Variants in AK4 observed in about 807,000 individuals in gnomAD.
AK4 encodes adenylate kinase 4, mitochondrial.
In AK4, 13 loss-of-function variants were observed where a neutral mutation model predicts 24.6. The ratio of observed to expected loss-of-function variants is 0.53; its 90% CI spans 0.34 to 0.84. The LOEUF (loss-of-function observed/expected upper bound fraction) is 0.84, where lower values mean the gene tolerates loss of function less well. Ranked by LOEUF, AK4 falls within the 40% of genes least tolerant of loss-of-function variation. The pLI, the probability that AK4 is intolerant of heterozygous loss-of-function variation, is 0.01. For missense variants in AK4, 192 were observed against 288.2 expected (o/e 0.67, Z 2.42); for synonymous variants, 88 against 107.0 (o/e 0.82, Z 1.10).
chr1:65,189,626 A>G (rs114343264), intron 1 of AK4, among the ~76,000 whole-genome samples: 52 of 151,184 alleles, frequency 3.4e-4, no homozygotes, highest in Non-Finnish European at 6.9e-4. Context: ...AGAGCAGAGG[A>G]TTTCATTTGT....
intron 1 of AK4, among the ~76,000 whole-genome samples, chr1:65,171,954 CG>C (rs1465343696): frequency 2.0e-5 from 3 of 150,344 alleles, no homozygotes; most frequent in Non-Finnish European, 3.0e-5. Context: ...CCCCGCTACT[CG>C]GGAGGCTGAG....
chr1:65,164,471 G>C (rs1650265996), intron 1 of AK4, among the ~76,000 whole-genome samples: 1 of 152,108 alleles, frequency 6.6e-6, no homozygotes, highest in South Asian at 2.1e-4. Flanking sequence ...TGAGTATAAA[G>C]TGGTGTTTCA....
intron 1 of AK4, among the ~76,000 whole-genome samples, chr1:65,176,194 C>T (rs1650708239): frequency 2.0e-5 from 3 of 152,138 alleles, no homozygotes; most frequent in Admixed American, 1.3e-4. Context: ...GATTGGATCA[C>T]CTTCTTTTTC....
intron 2 of AK4, among the ~76,000 whole-genome samples, chr1:65,212,037 G>A (rs1651986980): frequency 6.6e-6 from 1 of 152,126 alleles, no homozygotes; most frequent in Admixed American, 6.6e-5. Flanking sequence ...TGTCCAGGGT[G>A]GGCACCTGCT....
At chr1:65,199,437 T>C (rs1245005816) in intron 2 of AK4, among the ~76,000 whole-genome samples, 1 of 151,796 alleles carries the variant, frequency 6.6e-6, no homozygotes, top group Non-Finnish European at 1.5e-5. Flanking sequence ...TAGTCCCAGC[T>C]ACTCGGGAGG....
intron 1 of AK4, among the ~76,000 whole-genome samples, chr1:65,156,986 CAAT>C (rs1650006759): frequency 6.7e-6 from 1 of 148,694 alleles, no homozygotes; most frequent in Admixed American, 6.7e-5. Context: ...ATCAAAATAA[CAAT>C]AATCCACTGT....
At chr1:65,210,437 CTGGAATCCT>C (rs1292486973) in intron 2 of AK4, among the ~76,000 whole-genome samples, 2 of 152,190 alleles carry the variant, frequency 1.3e-5, no homozygotes, top group African/African-American at 4.8e-5. Flanking sequence ...ACCGTACCCT[CTGGAATCCT>C]TTTTCCTTAA....
intron 2 of AK4, among the ~76,000 whole-genome samples, chr1:65,210,296 CTGAAAGTGGCACTCTT>C (rs1651931588): frequency 6.6e-6 from 1 of 152,160 alleles, no homozygotes; most frequent in African/African-American, 2.4e-5. Flanking sequence ...CACACTCGCC[CTGAAAGTGGCACTCTT>C]TGAGGCCAGT....
At chr1:65,208,965 T>C (rs933530393) in intron 2 of AK4, among the ~76,000 whole-genome samples, 5 of 147,682 alleles carry the variant, frequency 3.4e-5, no homozygotes, top group Admixed American at 6.8e-5. Context: ...TTTAATGATA[T>C]CTCACTGCAC....
chr1:65,221,469 C>T (rs1489856307), intron 3 of AK4, among the ~76,000 whole-genome samples: 1 of 152,142 alleles, frequency 6.6e-6, no homozygotes, highest in Non-Finnish European at 1.5e-5. Context: ...GGCTTGTTGG[C>T]CTGGGAGGTC....
chr1:65,173,393 C>T (rs988455426), intron 1 of AK4, among the ~76,000 whole-genome samples: 1 of 152,156 alleles, frequency 6.6e-6, no homozygotes, highest in East Asian at 1.9e-4. Context: ...GACTTGGGCC[C>T]TCATCCTTTA....
At chr1:65,182,759 A>G (rs770843963) in intron 1 of AK4, among the ~76,000 whole-genome samples, 1 of 152,174 alleles carries the variant, frequency 6.6e-6, no homozygotes, top group Non-Finnish European at 1.5e-5. Flanking sequence ...TTTAGAGATA[A>G]TCTCTTCAAT....
chr1:65,165,209 A>G (rs563760527), intron 1 of AK4, among the ~76,000 whole-genome samples: 1 of 152,342 alleles, frequency 6.6e-6, no homozygotes, highest in Admixed American at 6.5e-5. Flanking sequence ...AAAAATCTCT[A>G]GTGTCTAACA....
At chr1:65,205,504 G>T (rs912574495) in intron 2 of AK4, among the ~76,000 whole-genome samples, 2 of 152,180 alleles carry the variant, frequency 1.3e-5, no homozygotes, top group Non-Finnish European at 2.9e-5. Context: ...AAAGTACTTG[G>T]ATTTACAGGC....
chr1:65,193,528 A>G (rs1651372060), intron 2 of AK4, among the ~76,000 whole-genome samples: 1 of 152,136 alleles, frequency 6.6e-6, no homozygotes, highest in South Asian at 2.1e-4. Flanking sequence ...CACTCTTTAC[A>G]TGGCCATGCC....
intron 2 of AK4, among the ~76,000 whole-genome samples, chr1:65,214,971 T>TG (rs1652079236): frequency 6.6e-6 from 1 of 152,052 alleles, no homozygotes; most frequent in South Asian, 2.1e-4. Context: ...GACAGAAAAA[T>TG]GGGGCAGATA....
intron 1 of AK4, among the ~76,000 whole-genome samples, chr1:65,172,954 C>T (rs1485136886): frequency 6.8e-6 from 1 of 146,620 alleles, no homozygotes; most frequent in African/African-American, 2.6e-5. Context: ...CCTCCACTTT[C>T]CGAGTTCAAG....
At chr1:65,168,561 G>A (rs1034471636) in intron 1 of AK4, among the ~76,000 whole-genome samples, 1 of 152,006 alleles carries the variant, frequency 6.6e-6, no homozygotes. Context: ...CAAAGTACTG[G>A]GATTATAGGC....
At chr1:65,154,255 TGA>T (rs534399071) in intron 1 of AK4, among the ~76,000 whole-genome samples, 74 of 152,180 alleles carry the variant, frequency 4.9e-4, no homozygotes, top group African/African-American at 1.7e-3. Flanking sequence ...GAATTGGTTG[TGA>T]GAGGTGATGG....
Sources: allele counts gnomAD v4.1 joint callset (sites outside exome capture counted in the v4.1 genomes callset), GRCh38; gene constraint gnomAD v4.1.1; transcripts MANE v1.5; gene names NCBI Gene and HGNC (gene_info 2026-07-23, HGNC 2026-07-21).